GRIP1: variants seen among roughly 807,000 people sequenced by gnomAD.
GRIP1 encodes glutamate receptor interacting protein 1, also known as glutamate receptor-interacting protein 1.
Under a neutral mutation model 129.9 loss-of-function variants are expected in GRIP1, and 45 were observed. The ratio of observed to expected loss-of-function variants is 0.35; its 90% CI spans 0.27 to 0.44. The LOEUF is 0.44. Among genes scored for constraint, GRIP1 ranks in the 20% least tolerant of loss-of-function variants. GRIP1 has a pLI of 1.00. For synonymous variants in GRIP1, 530 were observed against 520.8 expected (o/e 1.02, Z -0.24); for missense variants, 1,196 against 1,396.8 (o/e 0.86, Z 2.29).
chr12:66,444,534 T>C (rs1210746984), intron 13 of GRIP1, 50 bp downstream of exon 13: 8 of 1,009,206 alleles, frequency 7.9e-6, no homozygotes, highest in Non-Finnish European at 1.2e-5. Context: ...CTCTGCCACA[T>C]AACCAATATA....
chr12:66,365,958 T>C (rs1352479970), intron 23 of GRIP1, among the ~76,000 whole-genome samples: 1 of 152,226 alleles, frequency 6.6e-6, no homozygotes, highest in Non-Finnish European at 1.5e-5. Context: ...CTGTGGCTCA[T>C]GGAAGTGGCA....
At chr12:66,519,612 T>C (rs1328381178) in intron 5 of GRIP1, among the ~76,000 whole-genome samples, 1 of 152,238 alleles carries the variant, frequency 6.6e-6, no homozygotes, top group Non-Finnish European at 1.5e-5. Flanking sequence ...TTATTTGTAA[T>C]GAACCAAGTT....
chr12:66,627,776 T>C (rs2030261157), intron 1 of GRIP1, among the ~76,000 whole-genome samples: 1 of 152,128 alleles, frequency 6.6e-6, no homozygotes, highest in Non-Finnish European at 1.5e-5. Flanking sequence ...AGGACTCGAC[T>C]TGAGGCCCTT....
intron 7 of GRIP1, among the ~76,000 whole-genome samples, chr12:66,468,812 T>G (rs2059358849): frequency 6.6e-6 from 1 of 152,130 alleles, no homozygotes; most frequent in Non-Finnish European, 1.5e-5. Flanking sequence ...GTAGGAGTAT[T>G]AAGAAGCTTA....
chr12:66,746,976 G>T (rs1320521139), intron 1 of GRIP1, among the ~76,000 whole-genome samples: 6 of 152,144 alleles, frequency 3.9e-5, no homozygotes, highest in Admixed American at 3.9e-4. Flanking sequence ...AATAAATTAA[G>T]CCACATTCAT....
At chr12:66,939,038 G>A (rs1236045068) in intron 1 of GRIP1, among the ~76,000 whole-genome samples, 1 of 152,104 alleles carries the variant, frequency 6.6e-6, no homozygotes, top group Non-Finnish European at 1.5e-5. Context: ...GTATAGTTGA[G>A]GTATCAGAGG....
rs185567843 is a variant in GRIP1, at chr12:67,024,839, A to T, written c.58+44211T>A. ...TCTTTACGATAATATGTTTGTCATA[A>T]TTATTCCTAGTCAGTAATTCCCCCA... is the stretch of plus-strand genomic sequence containing the variant. On this transcript the variant is annotated intron_variant, in intron 1 of 1. Transcript: ENST00000643019. Among the ~76,000 whole-genome samples the T allele has an allele frequency of 2.7e-3, 417 of 152,336 alleles. 4 individuals carry two copies. Among genetic ancestry groups the T allele is most frequent in the Non-Finnish European group, 4.5e-3 (306 of 68,034 alleles).
intron 2 of GRIP1, among the ~76,000 whole-genome samples, chr12:66,591,204 A>G (rs1253934691): frequency 6.6e-6 from 1 of 152,246 alleles, no homozygotes; most frequent in East Asian, 1.9e-4. Flanking sequence ...AGAGGGACAG[A>G]ATCTCAGGTA....
chr12:66,442,349 C>A (rs1186259215), intron 13 of GRIP1, among the ~76,000 whole-genome samples: 3 of 152,086 alleles, frequency 2.0e-5, no homozygotes, highest in African/African-American at 4.8e-5. Flanking sequence ...ACTCCCTTTC[C>A]CTAGCACGCC....
At chr12:66,528,141 T>TTTTTTTTTTG (rs1555201192) in intron 5 of GRIP1, among the ~76,000 whole-genome samples, 12 of 96,606 alleles carry the variant, frequency 1.2e-4, no homozygotes, top group Admixed American at 2.9e-4. Flanking sequence ...TAGGTTTTTT[T>TTTTTTTTTTG]TTTTTTTTTT....
intron 1 of GRIP1, among the ~76,000 whole-genome samples, chr12:66,675,159 G>A (rs759767766): frequency 4.6e-5 from 7 of 152,130 alleles, no homozygotes; most frequent in East Asian, 1.9e-4. Flanking sequence ...AAAGGTTTCC[G>A]ACATGAGCTT....
chr12:66,677,186 G>A (rs866492969), intron 1 of GRIP1, among the ~76,000 whole-genome samples: 4 of 152,112 alleles, frequency 2.6e-5, no homozygotes, highest in South Asian at 2.1e-4. Flanking sequence ...GATTTTTAGC[G>A]ACTATCTTAG....
Position 66,401,657 on chromosome 12 carries a change from T to C in GRIP1, c.1984+4626A>G, listed in dbSNP as rs185464673. Reference sequence around the variant, plus strand: ...ACACACACACACACACACACACACATATATCTCCTCCTTTAATCCTTAAAA... The same window carrying C: ...ACACACACACACACACACACACACACATATCTCCTCCTTTAATCCTTAAAA... On this transcript the variant is annotated intron_variant, in intron 16 of 24. Coordinates refer to ENST00000359742, the MANE Select transcript of GRIP1 (RefSeq NM_001366722.1). Among the ~76,000 whole-genome samples, 1,067 of 139,662 alleles carry C rather than the reference T, an allele frequency of 7.6e-3. 17 individuals carry two copies. The highest frequency in any genetic ancestry group is 0.027 in the African/African-American group (972 of 36,600). 91.6% of individuals were successfully genotyped at this position (139,662 alleles called of 152,430 possible). A position where few individuals can be genotyped will look rare whatever the true frequency, so the allele number is the denominator to read the frequency against.
chr12:66,946,890 A>C (rs2041679679), intron 1 of GRIP1, among the ~76,000 whole-genome samples: 1 of 151,764 alleles, frequency 6.6e-6, no homozygotes, highest in Non-Finnish European at 1.5e-5. Context: ...AAAAGTAAAA[A>C]AAAATTAGCC....
At chr12:66,648,107 CG>C (rs2032511808) in intron 1 of GRIP1, among the ~76,000 whole-genome samples, 1 of 152,066 alleles carries the variant, frequency 6.6e-6, no homozygotes, top group Admixed American at 6.5e-5. Context: ...TTCTTGCTAC[CG>C]AGGCCCTGGC....
intron 1 of GRIP1, among the ~76,000 whole-genome samples, chr12:66,764,606 C>T (rs746016772): frequency 6.6e-6 from 1 of 152,170 alleles, no homozygotes; most frequent in Non-Finnish European, 1.5e-5. Context: ...ATTTGTAAAT[C>T]ATGGATACAT....
chr12:66,482,123 AATATG>A (rs2059823778), intron 7 of GRIP1, among the ~76,000 whole-genome samples: 1 of 152,174 alleles, frequency 6.6e-6, no homozygotes, highest in Admixed American at 6.5e-5. Flanking sequence ...TGAGTTATCT[AATATG>A]ATATGATTTC....
intron 1 of GRIP1, among the ~76,000 whole-genome samples, chr12:66,973,597 A>G (rs1359454897): frequency 6.6e-6 from 1 of 151,456 alleles, no homozygotes; most frequent in Non-Finnish European, 1.5e-5. Flanking sequence ...AAGCATCACA[A>G]CTCTGCCAGT....
intron 1 of GRIP1, among the ~76,000 whole-genome samples, chr12:66,705,476 C>A (rs979782547): frequency 6.6e-6 from 1 of 152,162 alleles, no homozygotes; most frequent in African/African-American, 2.4e-5. Flanking sequence ...AATGGCCATA[C>A]TGCCCAAAGC....
Sources: allele counts gnomAD v4.1 joint callset (sites outside exome capture counted in the v4.1 genomes callset), GRCh38; gene constraint gnomAD v4.1.1; transcripts MANE v1.5; gene names NCBI Gene and HGNC (gene_info 2026-07-23, HGNC 2026-07-21).